The following ADGRL2 variants were observed in gnomAD, a reference collection of about 807,000 sequenced individuals.
ADGRL2 encodes the protein calcium-independent alpha-latrotoxin receptor 2.
In ADGRL2, 44 loss-of-function variants were observed where a neutral mutation model predicts 157.4. That is an observed-to-expected ratio of 0.28 (90% CI 0.22 to 0.36). ADGRL2 has a LOEUF of 0.36. Ranked by LOEUF, ADGRL2 falls within the 10% of genes least tolerant of loss-of-function variation. ADGRL2 has a pLI of 1.00. For missense variants in ADGRL2, 1,510 were observed against 1,768.9 expected, an observed-to-expected ratio of 0.85 and a Z score of 2.63; for synonymous variants, 585 against 624.7, an observed-to-expected ratio of 0.94 and a Z score of 0.95.
chr1:81,911,005 G>A (rs1237739431), intron 3 of ADGRL2, among the ~76,000 whole-genome samples: 1 of 151,006 alleles, frequency 6.6e-6, no homozygotes. Context: ...ATTGTATTTT[G>A]CTCCTCTTGT....
intron 3 of ADGRL2, among the ~76,000 whole-genome samples, chr1:81,589,800 T>C (rs2081096960): frequency 6.6e-6 from 1 of 152,162 alleles, no homozygotes; most frequent in Admixed American, 6.6e-5. Context: ...TCCACTTTGA[T>C]AGTACAATAG....
chr1:81,916,588 T>A (rs1182147576), intron 3 of ADGRL2, among the ~76,000 whole-genome samples: 2 of 152,116 alleles, frequency 1.3e-5, no homozygotes, highest in East Asian at 3.9e-4. Context: ...TGAAGTGTAA[T>A]GTCACTTAAG....
intron 1 of ADGRL2, among the ~76,000 whole-genome samples, chr1:81,758,385 G>T (rs1285141751): frequency 6.6e-6 from 1 of 152,062 alleles, no homozygotes. Flanking sequence ...TCACTCCCTG[G>T]CATCTCCTGA....
rs1448782148 is a variant in ADGRL2, at chr1:81,901,328, CTA to C, written c.74-5687_74-5686del. ...AAATACGTAGTCAGAGAAAAAAAAA[CTA>C]TTTTTCAAAGGCCTTAGAGACATTC... On this transcript the variant is annotated intron_variant, in intron 2 of 23. Coordinates refer to ENST00000686636, the MANE Select transcript of ADGRL2 (RefSeq NM_001366006.2). 6.6e-5 allele frequency among the ~76,000 whole-genome samples: 10 copies of C among 151,760 alleles called. No individual in the cohort carries two copies. In the East Asian group the frequency reaches 1.9e-3, roughly 29 times the overall value.
At chr1:81,399,086 G>A (rs151335071) in intron 1 of ADGRL2, among the ~76,000 whole-genome samples, 4,143 of 152,262 alleles carry the variant, frequency 0.027, 88 homozygotes, top group Middle Eastern at 0.092. Flanking sequence ...CAATCATGGT[G>A]GAAGGTGAAG....
intron 2 of ADGRL2, among the ~76,000 whole-genome samples, chr1:81,450,704 T>G: frequency 6.6e-6 from 1 of 151,890 alleles, no homozygotes; most frequent in Non-Finnish European, 1.5e-5. Flanking sequence ...TCCCATGAAG[T>G]CAGTGAATGT....
At chr1:81,875,840 G>T (rs766426944) in intron 2 of ADGRL2, among the ~76,000 whole-genome samples, 13 of 152,070 alleles carry the variant, frequency 8.5e-5, no homozygotes, top group Non-Finnish European at 1.9e-4. Flanking sequence ...TTCCAGAGAG[G>T]TACATTTTCT....
intron 1 of ADGRL2, among the ~76,000 whole-genome samples, chr1:81,329,415 C>T (rs1009537924): frequency 2.0e-5 from 3 of 152,054 alleles, no homozygotes; most frequent in African/African-American, 7.2e-5. Flanking sequence ...AAAGCTGCTA[C>T]ACAGGAAGAG....
At chr1:81,315,956 A>T (rs1660076226) in intron 1 of ADGRL2, among the ~76,000 whole-genome samples, 1 of 152,138 alleles carries the variant, frequency 6.6e-6, no homozygotes, top group African/African-American at 2.4e-5. Flanking sequence ...AAGTTCTGAG[A>T]CATTGACATG....
At chr1:81,632,904 G>T (rs981914470) in intron 3 of ADGRL2, among the ~76,000 whole-genome samples, 8 of 152,158 alleles carry the variant, frequency 5.3e-5, no homozygotes, top group African/African-American at 1.9e-4. Context: ...TCATTGGAGG[G>T]ATTTGAGCAA....
At chr1:81,578,244 T>C (rs975995317) in intron 2 of ADGRL2, among the ~76,000 whole-genome samples, 1 of 152,184 alleles carries the variant, frequency 6.6e-6, no homozygotes, top group African/African-American at 2.4e-5. Context: ...ATGAGACTGG[T>C]ATCCAGGTAC....
intron 6 of ADGRL2, among the ~76,000 whole-genome samples, chr1:81,948,639 C>T (rs1359679142): frequency 6.6e-6 from 1 of 152,134 alleles, no homozygotes; most frequent in African/African-American, 2.4e-5. Context: ...GCATTGTAAT[C>T]AAAAGAAAAT....
chr1:81,340,378 C>T (rs1268708375), intron 1 of ADGRL2, among the ~76,000 whole-genome samples: 1 of 152,024 alleles, frequency 6.6e-6, no homozygotes, highest in Admixed American at 6.6e-5. Flanking sequence ...AATCCTTTGC[C>T]CAACTTGTGC....
chr1:81,449,004 G>T (rs1253032236), intron 2 of ADGRL2, among the ~76,000 whole-genome samples: 1 of 152,102 alleles, frequency 6.6e-6, no homozygotes, highest in Admixed American at 6.5e-5. Flanking sequence ...ACCAGAAAAA[G>T]TATACATATA....
intron 3 of ADGRL2, among the ~76,000 whole-genome samples, chr1:81,682,314 G>C (rs909800377): frequency 2.0e-5 from 3 of 152,040 alleles, no homozygotes; most frequent in African/African-American, 7.2e-5. Context: ...TAAATTTTAG[G>C]ACTGAGGAAA....
chr1:81,364,182 G>A (rs1014136739), intron 1 of ADGRL2, among the ~76,000 whole-genome samples: 3 of 150,726 alleles, frequency 2.0e-5, no homozygotes, highest in Admixed American at 1.3e-4. Flanking sequence ...GAGCAAGACA[G>A]AGGAAGGTTG....
At chr1:81,541,819 G>A (rs369903677) in intron 2 of ADGRL2, among the ~76,000 whole-genome samples, 157 of 151,392 alleles carry the variant, frequency 1.0e-3, no homozygotes, top group Middle Eastern at 6.9e-3. Flanking sequence ...TTAGCCAGGC[G>A]TGGTGGCGCA....
chr1:81,444,100 A>T (rs1373679282), intron 1 of ADGRL2, among the ~76,000 whole-genome samples: 1 of 152,210 alleles, frequency 6.6e-6, no homozygotes, highest in East Asian at 1.9e-4. Context: ...TGCAGGAAAG[A>T]TTCTATTGCC....
chr1:81,622,441 C>T (rs1299873090), intron 3 of ADGRL2, among the ~76,000 whole-genome samples: 3 of 152,038 alleles, frequency 2.0e-5, no homozygotes, highest in African/African-American at 4.8e-5. Flanking sequence ...ATTAGCTGGG[C>T]GTGGTGGCAC....
Sources: allele counts gnomAD v4.1 joint callset (sites outside exome capture counted in the v4.1 genomes callset), GRCh38; gene constraint gnomAD v4.1.1; transcripts MANE v1.5; gene names NCBI Gene and HGNC (gene_info 2026-07-23, HGNC 2026-07-21).